Variants in LRCH1 observed in about 807,000 individuals in gnomAD.
LRCH1 encodes the protein leucine rich repeats and calponin homology domain containing 1.
LRCH1 carries 23 observed loss-of-function variants against 94.9 expected under a neutral mutation model. The ratio of observed to expected loss-of-function variants is 0.24; its 90% CI spans 0.17 to 0.34. LRCH1 has a LOEUF of 0.34. Ranked by LOEUF, LRCH1 falls within the 10% of genes least tolerant of loss-of-function variation. The pLI is 1.00. For synonymous variants in LRCH1, 364 were observed against 354.9 expected (o/e 1.03, Z -0.29); for missense variants, 790 against 945.9 (o/e 0.84, Z 2.16).
chr13:46,712,596 A>G lies in LRCH1; in HGVS notation c.1653A>G (p.Ser551=). ...CTCCATTTGGCCTGAAGCCTCGATC[A>G]GGTAAATGAAAACCTCAGCCCATTC... ...STAPFGLKPR[S]DPALILPPIS... The change falls in exon 15 of 20, where the codon TCA becomes TCG. Residue 551 remains serine, a splice_region_variant and synonymous_variant. Coordinates refer to ENST00000389797, the MANE Select transcript of LRCH1 (RefSeq NM_001164211.2). The G allele has an allele frequency of 6.2e-7, 1 of 1,613,598 alleles. No individual in the cohort carries two copies. The highest frequency in any genetic ancestry group is 8.5e-7 in the Non-Finnish European group (1 of 1,179,526).
In LRCH1 at chr13:46,560,970, T is replaced by G. The variant is rs79533841; in HGVS notation, c.307+7267T>G. On this transcript the variant is annotated intron_variant, in intron 1 of 19. Coordinates refer to ENST00000389797, the MANE Select transcript of LRCH1 (RefSeq NM_001164211.2). Reference sequence around the variant, plus strand: ...TAGAAAGTTGATGAACTGTGAGAATTGGGGCTTCCCTTGCTTACTCCAGCC... The same window carrying G: ...TAGAAAGTTGATGAACTGTGAGAATGGGGGCTTCCCTTGCTTACTCCAGCC... Among the ~76,000 whole-genome samples the G allele has an allele frequency of 8.7e-3, 1,331 of 152,326 alleles. 24 individuals carry two copies. Among genetic ancestry groups the G allele is most frequent in the East Asian group, 0.077 (399 of 5,184 alleles).
At chr13:46,635,328 G>A (rs535026942) in intron 1 of LRCH1, among the ~76,000 whole-genome samples, 260 of 152,260 alleles carry the variant, frequency 1.7e-3, no homozygotes, top group Middle Eastern at 3.4e-3. Context: ...CAGGCAATTA[G>A]AAAGAGCTTC....
chr13:46,688,689 G>A (rs952925253), intron 6 of LRCH1, among the ~76,000 whole-genome samples: 2 of 152,122 alleles, frequency 1.3e-5, no homozygotes, highest in African/African-American at 2.4e-5. Flanking sequence ...CTTAAAATAT[G>A]TACACTGTTT....
Position 46,625,396 on chromosome 13 carries a change from G to C in LRCH1, c.308-24805G>C, listed in dbSNP as rs1348010788. 2.6e-5 allele frequency among the ~76,000 whole-genome samples: 4 copies of C among 152,210 alleles called. No individual in the cohort carries two copies. The East Asian group carries it at 7.7e-4, about 29-fold the overall frequency. ...CCCAGGGCGATGGTATTAGGAGATG[G>C]GGCCTTTGGGAGGTGATTAGGTCGT... On this transcript the variant is annotated intron_variant, in intron 1 of 19. Transcript: ENST00000389797.
intron 15 of LRCH1, among the ~76,000 whole-genome samples, chr13:46,715,234 T>C (rs1872262662): frequency 6.6e-6 from 1 of 152,192 alleles, no homozygotes; most frequent in South Asian, 2.1e-4. Flanking sequence ...CTACCTAACC[T>C]ATGGGTACTC....
intron 1 of LRCH1, among the ~76,000 whole-genome samples, chr13:46,576,831 G>A (rs2050309996): frequency 1.3e-5 from 2 of 152,182 alleles, no homozygotes. Flanking sequence ...GGCTTAAAAT[G>A]ATGCACATTT....
chr13:46,590,206 G>C (rs779327635), intron 1 of LRCH1, among the ~76,000 whole-genome samples: 1 of 152,146 alleles, frequency 6.6e-6, no homozygotes, highest in Non-Finnish European at 1.5e-5. Flanking sequence ...GGTGACACTT[G>C]TCAACTTCTG....
chr13:46,589,907 T>G (rs1172960889), intron 1 of LRCH1, among the ~76,000 whole-genome samples: 2 of 151,796 alleles, frequency 1.3e-5, no homozygotes, highest in African/African-American at 2.4e-5. Flanking sequence ...GGGATTTTTT[T>G]TTTTTTTTTT....
chr13:46,615,561 T>G (rs2050798011), intron 1 of LRCH1, among the ~76,000 whole-genome samples: 1 of 152,178 alleles, frequency 6.6e-6, no homozygotes, highest in Admixed American at 6.5e-5. Flanking sequence ...AAGATGCAAC[T>G]CTAGGAATTT....
At chr13:46,697,514 T>C (rs1454742337) in intron 9 of LRCH1, among the ~76,000 whole-genome samples, 1 of 152,198 alleles carries the variant, frequency 6.6e-6, no homozygotes, top group Non-Finnish European at 1.5e-5. Context: ...AGCACTTCAG[T>C]ACTATGTCTG....
At chr13:46,629,187 A>G (rs144773426) in intron 1 of LRCH1, among the ~76,000 whole-genome samples, 69 of 152,350 alleles carry the variant, frequency 4.5e-4, no homozygotes, top group African/African-American at 1.3e-3. Flanking sequence ...CAGTGAACAG[A>G]GTAGTAAACT....
rs538155311 is a variant in LRCH1, at chr13:46,565,661, A to G, written c.307+11958A>G. Among the ~76,000 whole-genome samples the G allele has an allele frequency of 2.3e-3, 353 of 151,836 alleles. 1 individual carries two copies. Among genetic ancestry groups the G allele is most frequent in the African/African-American group, 8.1e-3 (334 of 41,410 alleles). On this transcript the variant is annotated intron_variant, in intron 1 of 19. Coordinates refer to ENST00000389797, the MANE Select transcript of LRCH1 (RefSeq NM_001164211.2). ...ACCCGTCTCTACTAAAAATACAAAA[A>G]TTAGCTGGGTGTGGTGGTGGGCACC...
Position 46,569,968 on chromosome 13 carries a change from A to G in LRCH1, c.307+16265A>G, listed in dbSNP as rs2050224091. Among the ~76,000 whole-genome samples the G allele has an allele frequency of 2.0e-5, 3 of 152,114 alleles. No individual in the cohort carries two copies. In the South Asian group the frequency reaches 6.2e-4, roughly 32 times the overall value. On this transcript the variant is annotated intron_variant, in intron 1 of 19. Coordinates refer to ENST00000389797, the MANE Select transcript of LRCH1 (RefSeq NM_001164211.2). Reference sequence around the variant, plus strand: ...TCTCTGCAACTCTACTCATCTTTTCATCTAAAACAGAGTTTATAATGATTG... The same window carrying G: ...TCTCTGCAACTCTACTCATCTTTTCGTCTAAAACAGAGTTTATAATGATTG...
intron 1 of LRCH1, among the ~76,000 whole-genome samples, chr13:46,644,932 A>C (rs1038911089): frequency 3.9e-5 from 6 of 152,240 alleles, no homozygotes; most frequent in Non-Finnish European, 8.8e-5. Flanking sequence ...TTACTGGGTA[A>C]ACCTCCTTTT....
Position 46,646,808 on chromosome 13 carries a change from CT to C in LRCH1, c.308-3389del, listed in dbSNP as rs545340656. On this transcript the variant is annotated intron_variant, in intron 1 of 19. Transcript: ENST00000389797. ...GTCCTCTATTTTATTTGCTTTCCATCTTTTGCTATTTGAAACCATACTGACC... is the reference window on the plus strand; with the variant it reads ...GTCCTCTATTTTATTTGCTTTCCATCTTTGCTATTTGAAACCATACTGACC... Among the ~76,000 whole-genome samples, 4 of 152,178 alleles carry C rather than the reference CT, an allele frequency of 2.6e-5. No homozygotes were observed. The South Asian group carries it at 8.3e-4, about 32-fold the overall frequency.
chr13:46,749,769 G>A (rs775470256), downstream of LRCH1, among the ~76,000 whole-genome samples: 5 of 152,150 alleles, frequency 3.3e-5, no homozygotes, highest in African/African-American at 4.8e-5. Flanking sequence ...ATCAGACCAG[G>A]GTGAAATAAC....
chr13:46,746,608 C>T (rs1341103703), downstream of LRCH1, among the ~76,000 whole-genome samples: 1 of 152,206 alleles, frequency 6.6e-6, no homozygotes, highest in Non-Finnish European at 1.5e-5. Context: ...GATCCTATAA[C>T]AGTGCAACTT....
At chr13:46,709,374 G>A (rs556394308) in intron 13 of LRCH1, among the ~76,000 whole-genome samples, 11 of 152,316 alleles carry the variant, frequency 7.2e-5, no homozygotes, top group African/African-American at 2.6e-4. Flanking sequence ...GCCTGTAGGT[G>A]TTGAGCTGCA....
intron 1 of LRCH1, among the ~76,000 whole-genome samples, chr13:46,636,991 T>G (rs1224338923): frequency 6.6e-6 from 1 of 152,152 alleles, no homozygotes; most frequent in East Asian, 1.9e-4. Flanking sequence ...TGTGAACACT[T>G]CCTTACCTGC....
Sources: allele counts gnomAD v4.1 joint callset (sites outside exome capture counted in the v4.1 genomes callset), GRCh38; gene constraint gnomAD v4.1.1; transcripts MANE v1.5; gene names NCBI Gene and HGNC (gene_info 2026-07-23, HGNC 2026-07-21).